The following LCA5 variants were observed in gnomAD, a reference collection of about 807,000 sequenced individuals.
LCA5 encodes the protein lebercilin LCA5, also known as lebercilin.
In LCA5, 37 loss-of-function variants were observed where a neutral mutation model predicts 53.0. That is an observed-to-expected ratio of 0.70 (90% CI 0.54 to 0.92). The LOEUF is 0.92. LCA5 is among the 40% of genes least tolerant of loss of function. LCA5 has a pLI of 0.00. For missense variants in LCA5, 806 were observed against 790.5 expected (o/e 1.02, Z -0.23); for synonymous variants, 303 against 282.9 (o/e 1.07, Z -0.71).
Position 79,486,094 on chromosome 6 carries a change from A to G in LCA5, c.*910T>C, listed in dbSNP as rs999182787. 1 of 152,244 alleles carries G rather than the reference A, an allele frequency of 6.6e-6. No individual in the cohort carries two copies. The highest frequency in any genetic ancestry group is 1.5e-5 in the Non-Finnish European group (1 of 68,046). 9.4% of individuals were successfully genotyped at this position (152,244 alleles called of 1,614,324 possible). The stretch of plus-strand genomic sequence containing the variant: ...GAGGACAAGTTCAAATCTTAAAAGC[A>G]TTAACATTGCCAAATTATATTACTC... On this transcript the variant is annotated 3_prime_UTR_variant, in exon 8 of 8. Coordinates refer to ENST00000369846, the MANE Select transcript of LCA5 (RefSeq NM_001122769.3).
At chr6:79,497,041 T>C (rs1242196027) in intron 3 of LCA5, among the ~76,000 whole-genome samples, 1 of 152,184 alleles carries the variant, frequency 6.6e-6, no homozygotes, top group Admixed American at 6.5e-5. Context: ...GAAATGTTTT[T>C]GTAATGTAAT....
At chr6:79,529,550 T>A (rs1299712292) in intron 1 of LCA5, among the ~76,000 whole-genome samples, 2 of 152,170 alleles carry the variant, frequency 1.3e-5, no homozygotes, top group African/African-American at 4.8e-5. Context: ...TTATAAGGTA[T>A]CCTTATAAGG....
chr6:79,513,502 C>G lies in LCA5; in HGVS notation c.430G>C (p.Glu144Gln). ...KSLKRLQYRQ[E>Q]KALNKFEDAE... ...TCTTCAAACTTATTCAGGGCTTTCT[C>G]CTGTCTGTACTGAAGCCTTTTCAAA... Residue 144 changes from glutamate to glutamine, a missense_variant, in exon 3 of 8, where the codon GAG (glutamate) becomes CAG (glutamine). Transcript: ENST00000369846. 1.2e-6 allele frequency: 2 copies of G among 1,613,922 alleles called. No individual in the cohort carries two copies.
Position 79,514,659 on chromosome 6 carries a change from C to T in LCA5, c.191-918G>A, listed in dbSNP as rs547616426. On this transcript the variant is annotated intron_variant, in intron 2 of 7. Coordinates refer to ENST00000369846, the MANE Select transcript of LCA5 (RefSeq NM_001122769.3). Reference sequence around the variant, plus strand: ...GGATAAAGAAAATGTGGCACATATACACCATGGAATACTATACAGCCATAA... The same window carrying T: ...GGATAAAGAAAATGTGGCACATATATACCATGGAATACTATACAGCCATAA... 2.3e-4 allele frequency among the ~76,000 whole-genome samples: 35 copies of T among 152,250 alleles called. No individual in the cohort carries two copies. The South Asian group carries it at 5.6e-3, about 24-fold the overall frequency.
chr6:79,517,893 C>T (rs1041209682), intron 2 of LCA5, among the ~76,000 whole-genome samples: 1 of 152,054 alleles, frequency 6.6e-6, no homozygotes, highest in Non-Finnish European at 1.5e-5. Context: ...TTCCCTTTTC[C>T]ACCCACAATT....
chr6:79,524,197 G>A (rs1451728937), intron 1 of LCA5, among the ~76,000 whole-genome samples: 1 of 152,028 alleles, frequency 6.6e-6, no homozygotes, highest in East Asian at 1.9e-4. Flanking sequence ...CTACATTCTA[G>A]ACCTATTGTA....
chr6:79,537,732 T>C (rs373045969), upstream of LCA5, among the ~76,000 whole-genome samples: 8 of 152,314 alleles, frequency 5.3e-5, no homozygotes, highest in East Asian at 7.7e-4. Flanking sequence ...TGATATGAAT[T>C]GTAAAATTGG....
At chr6:79,490,706 T>G (rs1769813846) in intron 6 of LCA5, among the ~76,000 whole-genome samples, 1 of 152,154 alleles carries the variant, frequency 6.6e-6, no homozygotes, top group Non-Finnish European at 1.5e-5. Context: ...AACTAGAATA[T>G]ACACAGAAAT....
At chr6:79,537,658 A>G (rs1767197112), upstream of LCA5, among the ~76,000 whole-genome samples, 1 of 152,220 alleles carries the variant, frequency 6.6e-6, no homozygotes, top group Non-Finnish European at 1.5e-5. Flanking sequence ...GTGCGGTGCC[A>G]GGGCTCGACT....
At chr6:79,489,245 C>A in intron 6 of LCA5, 29 bp from the exon 7 acceptor site, 1 of 1,605,858 alleles carries the variant, frequency 6.2e-7, no homozygotes, top group South Asian at 1.1e-5. Flanking sequence ...AATGCAAGTT[C>A]ACAAATTATA....
Position 79,487,349 on chromosome 6 carries a change from AC to A in LCA5, c.1748del (p.Ser583IlefsTer10). On this transcript the variant is annotated frameshift_variant, in exon 8 of 8. Transcript: ENST00000369846. LOFTEE classifies it low-confidence loss of function (END_TRUNC). ...CACCATCTTTACTAAGTTTTTCCAT[AC>A]TGTTTCTTTGGAAATCCAAAAAACT... ...KSSFLDFQRN[S>X]MEKLSKDGVD... 6.2e-7 allele frequency: 1 copy of A among 1,613,450 alleles called. No homozygotes were observed.
chr6:79,510,720 A>G (rs1226452324), intron 3 of LCA5, among the ~76,000 whole-genome samples: 1 of 152,200 alleles, frequency 6.6e-6, no homozygotes, highest in Non-Finnish European at 1.5e-5. Flanking sequence ...GATTATAATA[A>G]AGAATTCTCC....
chr6:79,534,971 T>C (rs906397769), intron 1 of LCA5, among the ~76,000 whole-genome samples: 2 of 152,182 alleles, frequency 1.3e-5, no homozygotes, highest in East Asian at 3.8e-4. Context: ...ATGTGGAATT[T>C]TGAAAACTTA....
At position 79,489,191 on chromosome 6, in the gene LCA5, C is replaced by CTGTCTTGCT; in HGVS notation, c.1115_1123dup (p.Lys372_Asp374dup). 6.2e-7 allele frequency: 1 copy of CTGTCTTGCT among 1,612,240 alleles called. No individual in the cohort carries two copies. On this transcript the variant is annotated inframe_insertion, in exon 7 of 8. Transcript: ENST00000369846. ...GTTTAGAATCCCTGCTTCTCCATGC[C>CTGTCTTGCT]TGTCTTGCTTTTGAGATTGCAAGTC... is the stretch of plus-strand genomic sequence containing the variant.
intron 2 of LCA5, among the ~76,000 whole-genome samples, chr6:79,515,984 G>T (rs1002777314): frequency 6.6e-6 from 1 of 152,022 alleles, no homozygotes; most frequent in Non-Finnish European, 1.5e-5. Flanking sequence ...AGCCCAAACT[G>T]GGATATGCTA....
upstream of LCA5, among the ~76,000 whole-genome samples, chr6:79,538,018 G>GTTTTTTTTTTTTTTTTTTTT (rs869197362): frequency 1.4e-4 from 6 of 44,146 alleles, 2 homozygotes; most frequent in Non-Finnish European, 2.5e-4. Context: ...TTGCACACAA[G>GTTTTTTTTTTTTTTTTTTTT]TTTTTTTTTT....
Position 79,486,866 on chromosome 6 carries a change from T to A in LCA5, c.*138A>T. ...GGTGTATGTATGATCTACTTCTTTT[T>A]AACTGCATTGTATTTAGCTATTAAA... On this transcript the variant is annotated 3_prime_UTR_variant, in exon 8 of 8. Coordinates refer to ENST00000369846, the MANE Select transcript of LCA5 (RefSeq NM_001122769.3). The A allele has an allele frequency of 1.4e-6, 1 of 720,832 alleles. No homozygotes were observed. Among genetic ancestry groups the A allele is most frequent in the African/African-American group, 1.8e-5 (1 of 56,258 alleles). The allele number at this position is 720,832 out of a possible 1,614,324, so 44.7% of individuals were successfully genotyped here.
Position 79,486,827 on chromosome 6 carries a change from C to A in LCA5, c.*177G>T. Reference sequence around the variant, plus strand: ...TCAAAAAAGCCTCCTTCATTCTTGGCAAACTATCTATGTGGTGTATGTATG... The same window carrying A: ...TCAAAAAAGCCTCCTTCATTCTTGGAAAACTATCTATGTGGTGTATGTATG... On this transcript the variant is annotated 3_prime_UTR_variant, in exon 8 of 8. Transcript: ENST00000369846. The A allele has an allele frequency of 2.0e-6, 1 of 505,296 alleles. No homozygotes were observed. The highest frequency in any genetic ancestry group is 3.7e-5 in the Admixed American group (1 of 26,866). 31.3% of individuals were successfully genotyped at this position (505,296 alleles called of 1,614,324 possible).
chr6:79,524,727 C>T (rs1766730048), intron 1 of LCA5, among the ~76,000 whole-genome samples: 1 of 151,914 alleles, frequency 6.6e-6, no homozygotes, highest in South Asian at 2.1e-4. Context: ...TTTTTCGCTC[C>T]CTAGGTGCTT....
Sources: allele counts gnomAD v4.1 joint callset (sites outside exome capture counted in the v4.1 genomes callset), GRCh38; gene constraint gnomAD v4.1.1; transcripts MANE v1.5; gene names NCBI Gene and HGNC (gene_info 2026-07-23, HGNC 2026-07-21).